Variants in ITGA9 observed in about 807,000 individuals in gnomAD.
ITGA9 encodes the protein integrin alpha-9.
ITGA9 carries 56 observed loss-of-function variants against 127.8 expected under a neutral mutation model. The observed-to-expected ratio is 0.44, with a 90% confidence interval of 0.35 to 0.55. ITGA9 has a LOEUF of 0.55. Among genes scored for constraint, ITGA9 ranks in the 20% least tolerant of loss-of-function variants. ITGA9 has a pLI of 0.00. For missense variants in ITGA9, 1,196 were observed against 1,347.1 expected, an observed-to-expected ratio of 0.89 and a Z score of 1.76; for synonymous variants, 508 against 514.5, an observed-to-expected ratio of 0.99 and a Z score of 0.17.
At chr3:37,647,895 C>T (rs1187681408) in intron 16 of ITGA9, among the ~76,000 whole-genome samples, 2 of 151,834 alleles carry the variant, frequency 1.3e-5, no homozygotes, top group Non-Finnish European at 2.9e-5. Context: ...TACATATATA[C>T]ACACCACAAT....
In ITGA9 at chr3:37,813,900, A is replaced by G. The variant is rs563960576; in HGVS notation, c.3010-4991A>G. ...AAAATCCCACAGTTCAAAAGACTATAAAAGTTAAATAAGTGAACATAACTG... is the reference window on the plus strand; with the variant it reads ...AAAATCCCACAGTTCAAAAGACTATGAAAGTTAAATAAGTGAACATAACTG... On this transcript the variant is annotated intron_variant, in intron 27 of 27. Transcript: ENST00000264741. Among the ~76,000 whole-genome samples the G allele has an allele frequency of 2.6e-5, 4 of 152,372 alleles. No individual in the cohort carries two copies. The South Asian group carries it at 8.3e-4, about 32-fold the overall frequency.
intron 4 of ITGA9, among the ~76,000 whole-genome samples, chr3:37,493,065 C>CGGACAA (rs61003744): frequency 0.045 from 6,908 of 152,190 alleles, 428 homozygotes; most frequent in South Asian, 0.2. Flanking sequence ...TTATAATAAC[C>CGGACAA]GGACAAGGCG....
At chr3:37,764,636 T>C (rs1001558420) in intron 23 of ITGA9, among the ~76,000 whole-genome samples, 21 of 152,190 alleles carry the variant, frequency 1.4e-4, no homozygotes, top group African/African-American at 4.6e-4. Context: ...CTGAAGGCTC[T>C]CACTTTGTAC....
chr3:37,647,642 C>T (rs114613394), intron 16 of ITGA9, among the ~76,000 whole-genome samples: 40 of 152,190 alleles, frequency 2.6e-4, no homozygotes, highest in African/African-American at 9.2e-4. Context: ...ACCCCCTCCC[C>T]GACCCCTGGT....
intron 14 of ITGA9, among the ~76,000 whole-genome samples, chr3:37,541,185 AC>A (rs1470912151): frequency 1.3e-5 from 2 of 152,204 alleles, no homozygotes; most frequent in Non-Finnish European, 2.9e-5. Context: ...GCTCGGGGCT[AC>A]TTGTTACTGA....
At chr3:37,782,909 G>A (rs1696993315) in intron 25 of ITGA9, among the ~76,000 whole-genome samples, 1 of 152,200 alleles carries the variant, frequency 6.6e-6, no homozygotes, top group Admixed American at 6.5e-5. Flanking sequence ...GGAGGCTGAG[G>A]TGGGCATATC....
At position 37,575,584 on chromosome 3, in the gene ITGA9, G is replaced by A. The variant is rs538459491; in HGVS notation, c.1689+32999G>A. Among the ~76,000 whole-genome samples the A allele has an allele frequency of 5.3e-5, 8 of 152,262 alleles. No homozygotes were observed. The South Asian group carries it at 1.7e-3, about 32-fold the overall frequency. On this transcript the variant is annotated intron_variant, in intron 15 of 27. Transcript: ENST00000264741. ...AAGAAACTGAGGCCAAGAAAGGAAA[G>A]CAGCTCTGCCCAAGGTGTTATAAGC...
intron 27 of ITGA9, 105 bp from the exon 28 acceptor site, chr3:37,818,786 C>T (rs1697474032): frequency 1.2e-6 from 1 of 813,734 alleles, no homozygotes; most frequent in African/African-American, 1.7e-5. Context: ...CCTCCCCAGC[C>T]CTGTGAGTGC....
chr3:37,585,971 C>T lies in ITGA9; in HGVS notation c.1690-43216C>T, dbSNP rs147774250. Among the ~76,000 whole-genome samples the T allele has an allele frequency of 7.7e-4, 118 of 152,326 alleles. 1 individual carries two copies. The highest frequency in any genetic ancestry group is 2.5e-3 in the African/African-American group (103 of 41,570). ...AGTCATATTTGGGAAGCACTGGGCTCTGCTTATGATTCTCACGTTCTGGTC... is the reference window on the plus strand; with the variant it reads ...AGTCATATTTGGGAAGCACTGGGCTTTGCTTATGATTCTCACGTTCTGGTC... On this transcript the variant is annotated intron_variant, in intron 15 of 27. Coordinates refer to ENST00000264741, the MANE Select transcript of ITGA9 (RefSeq NM_002207.3).
chr3:37,779,365 G>A (rs768541721), intron 24 of ITGA9, among the ~76,000 whole-genome samples: 22 of 152,130 alleles, frequency 1.4e-4, no homozygotes, highest in Non-Finnish European at 2.5e-4. Flanking sequence ...TCAGCCTCCC[G>A]AAGTGCTGGG....
intron 8 of ITGA9, among the ~76,000 whole-genome samples, chr3:37,510,041 T>TTTTA (rs1252287269): frequency 1.3e-5 from 2 of 151,228 alleles, no homozygotes; most frequent in Non-Finnish European, 1.5e-5. Context: ...TTTTTTTTTT[T>TTTTA]GAGACAGAGT....
chr3:37,802,377 T>C (rs76020123), intron 26 of ITGA9, among the ~76,000 whole-genome samples: 7,322 of 152,246 alleles, frequency 0.048, 333 homozygotes, highest in African/African-American at 0.11. Context: ...GCTGGACCAG[T>C]GGGCTTCAGC....
intron 8 of ITGA9, among the ~76,000 whole-genome samples, chr3:37,509,119 G>A (rs954858919): frequency 6.6e-6 from 1 of 152,098 alleles, no homozygotes; most frequent in Admixed American, 6.5e-5. Context: ...CCAAACACAG[G>A]TTGCCTGATT....
chr3:37,748,393 C>A, intron 22 of ITGA9: 1 of 597,820 alleles, frequency 1.7e-6, no homozygotes. Flanking sequence ...ACGTATTGAG[C>A]ACATTAAGCA....
chr3:37,700,540 G>A (rs974838573), intron 18 of ITGA9, among the ~76,000 whole-genome samples: 5 of 151,852 alleles, frequency 3.3e-5, no homozygotes, highest in South Asian at 2.1e-4. Context: ...GTAGAGATGG[G>A]GGTTTTGCCA....
chr3:37,811,245 A>G (rs1697365083), intron 27 of ITGA9, among the ~76,000 whole-genome samples: 1 of 152,216 alleles, frequency 6.6e-6, no homozygotes, highest in Non-Finnish European at 1.5e-5. Context: ...ATGCTTTTAA[A>G]GGAAGAAAAG....
At chr3:37,810,471 A>G (rs181773711) in intron 27 of ITGA9, among the ~76,000 whole-genome samples, 42 of 151,248 alleles carry the variant, frequency 2.8e-4, no homozygotes, top group Admixed American at 5.3e-4. Context: ...GCTGGAGTGC[A>G]GTGGTGCAGT....
At chr3:37,510,063 A>G (rs1179216128) in intron 8 of ITGA9, among the ~76,000 whole-genome samples, 3 of 142,176 alleles carry the variant, frequency 2.1e-5, no homozygotes, top group African/African-American at 5.2e-5. Context: ...TCACTATGGC[A>G]TGATCTTGGT....
chr3:37,491,809 A>C (rs1001395449), intron 4 of ITGA9, among the ~76,000 whole-genome samples: 3 of 152,232 alleles, frequency 2.0e-5, no homozygotes, highest in Non-Finnish European at 4.4e-5. Flanking sequence ...TGGGGAAGAA[A>C]GGCTCGTACA....
Sources: gnomAD v4.1 joint callset for allele counts (sites outside exome capture counted in the v4.1 genomes callset) on GRCh38, gnomAD v4.1.1 for gene constraint, MANE v1.5 for transcripts, NCBI Gene and HGNC (gene_info 2026-07-23, HGNC 2026-07-21) for gene names.